The following MARCHF4 variants were observed in gnomAD, a reference collection of about 807,000 sequenced individuals.
The protein encoded by MARCHF4 is E3 ubiquitin-protein ligase MARCHF4.
MARCHF4 carries 14 observed loss-of-function variants against 43.9 expected under a neutral mutation model. The ratio of observed to expected loss-of-function variants is 0.32; its 90% confidence interval spans 0.21 to 0.50. The LOEUF (loss-of-function observed/expected upper bound fraction) is 0.50, where lower values mean the gene tolerates loss of function less well. Ranked by LOEUF, MARCHF4 falls within the 20% of genes least tolerant of loss-of-function variation. MARCHF4 has a pLI of 0.98. For missense variants in MARCHF4, 468 were observed against 536.7 expected (o/e 0.87, Z 1.27); for synonymous variants, 226 against 213.3 (o/e 1.06, Z -0.52).
chr2:216,301,243 C>T (rs1478546341), intron 1 of MARCHF4, among the ~76,000 whole-genome samples: 1 of 152,194 alleles, frequency 6.6e-6, no homozygotes, highest in Admixed American at 6.6e-5. Flanking sequence ...CAGCAAGAAC[C>T]TCCCATGCTC....
rs151310438 is a variant in MARCHF4 at position 216,317,224 on chromosome 2, T to C, written c.517-33495A>G. ...TTATGGCAGAGCCATTGGTTGGTAG[T>C]GTTATTTTCTTATCTCATAGAAGTT... On this transcript the variant is annotated intron_variant, in intron 1 of 3. Transcript: ENST00000273067. 5.9e-5 allele frequency among the ~76,000 whole-genome samples: 9 copies of C among 152,320 alleles called. No homozygotes were observed. In the East Asian group the frequency reaches 1.7e-3, roughly 29 times the overall value.
intron 1 of MARCHF4, 69 bp from the exon 2 acceptor site, chr2:216,283,798 A>C: frequency 6.8e-7 from 1 of 1,461,450 alleles, no homozygotes; most frequent in Non-Finnish European, 9.2e-7. Flanking sequence ...GATGGGCGGG[A>C]GGGTGGCAGC....
chr2:216,364,790 T>C (rs1447655356), intron 1 of MARCHF4, among the ~76,000 whole-genome samples: 1 of 152,214 alleles, frequency 6.6e-6, no homozygotes, highest in African/African-American at 2.4e-5. Flanking sequence ...GAATGTCCTG[T>C]AGACCAAAGG....
chr2:216,339,140 G>A (rs976559558), intron 1 of MARCHF4, among the ~76,000 whole-genome samples: 5 of 152,190 alleles, frequency 3.3e-5, no homozygotes, highest in African/African-American at 1.2e-4. Context: ...CAGGATTGCA[G>A]TTCCTGATCT....
At chr2:216,350,374 T>TATGCCACATCCCTCACC (rs1692384903) in intron 1 of MARCHF4, among the ~76,000 whole-genome samples, 1 of 130,776 alleles carries the variant, frequency 7.6e-6, no homozygotes, top group African/African-American at 2.9e-5. Context: ...ACTCCCTCAC[T>TATGCCACATCCCTCACC]ATGCCACATC....
intron 1 of MARCHF4, among the ~76,000 whole-genome samples, chr2:216,353,694 C>T (rs998701302): frequency 4.6e-5 from 7 of 152,160 alleles, no homozygotes; most frequent in Non-Finnish European, 8.8e-5. Flanking sequence ...ATTACAGGTG[C>T]CTGCCACCAT....
intron 1 of MARCHF4, among the ~76,000 whole-genome samples, chr2:216,315,630 G>C (rs1013810362): frequency 1.3e-5 from 2 of 152,148 alleles, no homozygotes; most frequent in Non-Finnish European, 2.9e-5. Flanking sequence ...GTAGAAAAGT[G>C]CAGCTTACAA....
chr2:216,283,516 A>T, intron 2 of MARCHF4, 58 bp downstream of exon 2: 1 of 1,518,824 alleles, frequency 6.6e-7, no homozygotes, highest in Non-Finnish European at 8.9e-7. Context: ...CTCCTGCTAA[A>T]GCAGGTGGTG....
intron 1 of MARCHF4, among the ~76,000 whole-genome samples, chr2:216,326,114 G>GA (rs1438633751): frequency 6.8e-6 from 1 of 146,400 alleles, no homozygotes; most frequent in African/African-American, 2.5e-5. Context: ...AAATTTACAA[G>GA]AAAAAAACAA....
At chr2:216,303,932 C>A (rs1468788267) in intron 1 of MARCHF4, among the ~76,000 whole-genome samples, 1 of 152,156 alleles carries the variant, frequency 6.6e-6, no homozygotes, top group Admixed American at 6.6e-5. Flanking sequence ...GAGCAGCACA[C>A]TTCATGGGCA....
At chr2:216,338,664 C>G (rs1360838467) in intron 1 of MARCHF4, among the ~76,000 whole-genome samples, 1 of 152,100 alleles carries the variant, frequency 6.6e-6, no homozygotes, top group Non-Finnish European at 1.5e-5. Context: ...ATAATTAGTT[C>G]CTGATGTTAA....
intron 1 of MARCHF4, among the ~76,000 whole-genome samples, chr2:216,301,841 A>C (rs1217452839): frequency 6.6e-6 from 1 of 152,236 alleles, no homozygotes; most frequent in East Asian, 1.9e-4. Context: ...GGGCAACAGT[A>C]TTGCTGATCT....
chr2:216,333,614 A>G (rs1233677609), intron 1 of MARCHF4, among the ~76,000 whole-genome samples: 1 of 152,236 alleles, frequency 6.6e-6, no homozygotes, highest in Admixed American at 6.5e-5. Flanking sequence ...CAGCAGCTGC[A>G]GTATAGGAAT....
chr2:216,339,695 C>T (rs1692209108), intron 1 of MARCHF4, among the ~76,000 whole-genome samples: 1 of 152,116 alleles, frequency 6.6e-6, no homozygotes, highest in Non-Finnish European at 1.5e-5. Context: ...GGTCATTCAT[C>T]CATCTGTTCA....
intron 1 of MARCHF4, among the ~76,000 whole-genome samples, chr2:216,354,902 T>TCTTTCTTTCTTTCTTTCTTTCTTC (rs1559106503): frequency 1.8e-5 from 1 of 55,678 alleles, no homozygotes; most frequent in Non-Finnish European, 3.3e-5. Context: ...TTTCTTTCTT[T>TCTTTCTTTCTTTCTTTCTTTCTTC]CTTTCTTTCT....
intron 3 of MARCHF4, among the ~76,000 whole-genome samples, chr2:216,272,423 A>G (rs1296820345): frequency 2.0e-5 from 3 of 152,222 alleles, no homozygotes; most frequent in Non-Finnish European, 4.4e-5. Context: ...ACCAGCAGTT[A>G]TCATGAGGGT....
intron 1 of MARCHF4, among the ~76,000 whole-genome samples, chr2:216,301,811 T>C (rs946557719): frequency 6.6e-6 from 1 of 152,208 alleles, no homozygotes; most frequent in African/African-American, 2.4e-5. Context: ...GGTGCCTTAG[T>C]TTTCTAATTA....
chr2:216,282,554 A>T (rs1691146771), intron 2 of MARCHF4, among the ~76,000 whole-genome samples: 1 of 151,928 alleles, frequency 6.6e-6, no homozygotes, highest in African/African-American at 2.4e-5. Context: ...TCACTAATTG[A>T]TTATGTGGCA....
At chr2:216,304,486 T>C (rs6756416) in intron 1 of MARCHF4, among the ~76,000 whole-genome samples, 10,452 of 152,190 alleles carry the variant, frequency 0.069, 1,183 homozygotes, top group African/African-American at 0.24. Flanking sequence ...GAGGACAAAT[T>C]GAATGGTTTC....
Sources: allele counts gnomAD v4.1 joint callset (sites outside exome capture counted in the v4.1 genomes callset), GRCh38; gene constraint gnomAD v4.1.1; transcripts MANE v1.5; gene names NCBI Gene and HGNC (gene_info 2026-07-23, HGNC 2026-07-21).